The following CTNNA3 variants were observed in gnomAD, a reference collection of about 807,000 sequenced individuals.
The protein encoded by CTNNA3 is catenin alpha-3.
In CTNNA3, 76 loss-of-function variants were observed where a neutral mutation model predicts 95.7. The ratio of observed to expected loss-of-function variants is 0.79; its 90% CI spans 0.66 to 0.96. The LOEUF is 0.96. Ranked by LOEUF, CTNNA3 falls within the 40% of genes least tolerant of loss-of-function variation. The pLI is 0.00. For synonymous variants in CTNNA3, 431 were observed against 374.4 expected (o/e 1.15, Z -1.74); for missense variants, 1,191 against 1,089.8 (o/e 1.09, Z -1.31).
At chr10:67,473,016 T>G (rs1847884759) in intron 5 of CTNNA3, among the ~76,000 whole-genome samples, 1 of 152,214 alleles carries the variant, frequency 6.6e-6, no homozygotes, top group African/African-American at 2.4e-5. Flanking sequence ...GCTCATATGT[T>G]TCTCTCTCCT....
chr10:66,114,141 C>A (rs2082225274), intron 13 of CTNNA3, among the ~76,000 whole-genome samples: 4 of 152,150 alleles, frequency 2.6e-5, no homozygotes, highest in African/African-American at 9.7e-5. Flanking sequence ...TGAGGAAAAT[C>A]TCACCTTTTT....
intron 7 of CTNNA3, among the ~76,000 whole-genome samples, chr10:66,846,081 G>A (rs1201952161): frequency 6.6e-6 from 1 of 151,922 alleles, no homozygotes; most frequent in Admixed American, 6.6e-5. Context: ...GCAGGGAGCC[G>A]AGATTGTGCC....
intron 7 of CTNNA3, among the ~76,000 whole-genome samples, chr10:67,125,363 G>A (rs957868299): frequency 2.0e-5 from 3 of 151,800 alleles, no homozygotes; most frequent in East Asian, 3.9e-4. Flanking sequence ...GAATGCGCCC[G>A]GGAAAATACG....
chr10:66,701,203 C>T (rs1015874056), intron 9 of CTNNA3, among the ~76,000 whole-genome samples: 3 of 152,038 alleles, frequency 2.0e-5, no homozygotes, highest in Admixed American at 1.3e-4. Context: ...GGACTCTAGT[C>T]ATTTCTATTG....
chr10:67,586,693 G>A (rs1164627354), intron 3 of CTNNA3, among the ~76,000 whole-genome samples: 2 of 151,872 alleles, frequency 1.3e-5, no homozygotes, highest in African/African-American at 4.8e-5. Context: ...TGTCTTTTCA[G>A]GTAAGTTTCT....
At position 66,440,130 on chromosome 10, in the gene CTNNA3, C is replaced by T. The variant is rs554264094; in HGVS notation, c.1532-60778G>A. Among the ~76,000 whole-genome samples, 6 of 152,218 alleles carry T rather than the reference C, an allele frequency of 3.9e-5. No homozygotes were observed. The East Asian group carries it at 1.2e-3, about 29-fold the overall frequency. On this transcript the variant is annotated intron_variant, in intron 11 of 17. Coordinates refer to ENST00000433211, the MANE Select transcript of CTNNA3 (RefSeq NM_013266.4). ...GTATTCCAATAAATATTATTGTTCA[C>T]ATAGCTTTTGCAATTATATCTCCAC...
At chr10:67,609,040 A>T (rs1843369176) in intron 2 of CTNNA3, among the ~76,000 whole-genome samples, 1 of 149,482 alleles carries the variant, frequency 6.7e-6, no homozygotes, top group Non-Finnish European at 1.5e-5. Flanking sequence ...CGGTGAGCCG[A>T]AATCACGCCA....
intron 1 of CTNNA3, among the ~76,000 whole-genome samples, chr10:67,753,778 G>A (rs1325009276): frequency 1.3e-5 from 2 of 151,650 alleles, no homozygotes; most frequent in Non-Finnish European, 3.0e-5. Flanking sequence ...ACCATCTCAT[G>A]AGTCAGAATG....
At chr10:67,003,730 T>G (rs1851810620) in intron 7 of CTNNA3, among the ~76,000 whole-genome samples, 1 of 152,204 alleles carries the variant, frequency 6.6e-6, no homozygotes, top group Non-Finnish European at 1.5e-5. Context: ...CCAGGTCCTA[T>G]TCCTCTAGAG....
At chr10:66,234,420 C>A (rs1206596944) in intron 13 of CTNNA3, among the ~76,000 whole-genome samples, 1 of 152,102 alleles carries the variant, frequency 6.6e-6, no homozygotes, top group African/African-American at 2.4e-5. Context: ...CAAACACACA[C>A]ATGCCTGGAA....
chr10:66,045,727 T>C (rs2079815706), intron 15 of CTNNA3, among the ~76,000 whole-genome samples: 1 of 152,188 alleles, frequency 6.6e-6, no homozygotes, highest in Non-Finnish European at 1.5e-5. Flanking sequence ...GAAGAACTAC[T>C]GAAAATATGA....
intron 12 of CTNNA3, among the ~76,000 whole-genome samples, chr10:66,347,855 C>CT (rs1212049110): frequency 6.6e-6 from 1 of 151,966 alleles, no homozygotes; most frequent in Non-Finnish European, 1.5e-5. Context: ...ATCATGTATA[C>CT]TGTCACATGC....
upstream of CTNNA3, among the ~76,000 whole-genome samples, chr10:67,697,382 T>C (rs1489398999): frequency 6.6e-6 from 1 of 152,162 alleles, no homozygotes; most frequent in African/African-American, 2.4e-5. Context: ...ACTTGCAAAA[T>C]AGCAGGTTTT....
At chr10:66,411,286 T>A (rs1186123558) in intron 11 of CTNNA3, among the ~76,000 whole-genome samples, 1 of 152,176 alleles carries the variant, frequency 6.6e-6, no homozygotes, top group African/African-American at 2.4e-5. Context: ...AAGCAAGTTA[T>A]GTTTAGGACT....
intron 7 of CTNNA3, among the ~76,000 whole-genome samples, chr10:67,121,258 T>G (rs1859450231): frequency 6.6e-6 from 1 of 152,116 alleles, no homozygotes. Flanking sequence ...GTTAACAGTG[T>G]CTCAGTGTAA....
intron 7 of CTNNA3, among the ~76,000 whole-genome samples, chr10:66,922,059 T>G (rs1180692227): frequency 1.3e-5 from 2 of 152,252 alleles, no homozygotes; most frequent in Non-Finnish European, 2.9e-5. Flanking sequence ...AACTGAGATT[T>G]GATTTATTTA....
At chr10:66,341,273 G>A (rs1387199313) in intron 12 of CTNNA3, among the ~76,000 whole-genome samples, 3 of 151,928 alleles carry the variant, frequency 2.0e-5, no homozygotes, top group African/African-American at 4.8e-5. Flanking sequence ...AACTGCACAC[G>A]TTCTGAAAGT....
chr10:67,374,190 T>A (rs1843604042), intron 5 of CTNNA3, among the ~76,000 whole-genome samples: 1 of 152,180 alleles, frequency 6.6e-6, no homozygotes, highest in South Asian at 2.1e-4. Context: ...ATGGTCTCTG[T>A]CACGATTACT....
chr10:66,363,419 C>T (rs746254935), intron 12 of CTNNA3, among the ~76,000 whole-genome samples: 2 of 152,090 alleles, frequency 1.3e-5, no homozygotes, highest in East Asian at 1.9e-4. Flanking sequence ...CTTTATCTTT[C>T]GGCTCTCCAT....
Sources: gnomAD v4.1 joint callset for allele counts (sites outside exome capture counted in the v4.1 genomes callset) on GRCh38, gnomAD v4.1.1 for gene constraint, MANE v1.5 for transcripts, NCBI Gene and HGNC (gene_info 2026-07-23, HGNC 2026-07-21) for gene names.